AOAH: variants seen among roughly 807,000 people sequenced by gnomAD.
AOAH encodes the protein acyloxyacyl hydrolase (neutrophil).
Under a neutral mutation model 92.2 loss-of-function variants are expected in AOAH, and 64 were observed. The ratio of observed to expected loss-of-function variants is 0.69; its 90% CI spans 0.57 to 0.86. The LOEUF is 0.86. AOAH is among the 40% of genes least tolerant of loss of function. The probability of loss-of-function intolerance (pLI) is 0.00; values close to 1 mark genes in which losing one functional copy is unlikely to be tolerated. For missense variants in AOAH, 656 were observed against 694.6 expected (o/e 0.94, Z 0.62); for synonymous variants, 263 against 254.5 (o/e 1.03, Z -0.32).
intron 18 of AOAH, 96 bp downstream of exon 18, chr7:36,532,051 T>C: frequency 1.4e-6 from 2 of 1,447,106 alleles, no homozygotes; most frequent in Non-Finnish European, 1.9e-6. Context: ...TTGGAGACCA[T>C]CTGCCTGCCA....
intron 9 of AOAH, among the ~76,000 whole-genome samples, chr7:36,619,624 G>A (rs1253688674): frequency 1.3e-5 from 2 of 152,154 alleles, no homozygotes; most frequent in Non-Finnish European, 2.9e-5. Flanking sequence ...AGTGACTAGC[G>A]GATAGGGTAG....
At chr7:36,657,370 T>A (rs1584046962) in intron 4 of AOAH, among the ~76,000 whole-genome samples, 1 of 152,176 alleles carries the variant, frequency 6.6e-6, no homozygotes, top group East Asian at 1.9e-4. Context: ...GGAGTCGAAA[T>A]GACACCTCCA....
rs372424125 is a variant in AOAH, at chr7:36,635,873, G to T, written c.450+1978C>A. 5.1e-4 allele frequency among the ~76,000 whole-genome samples: 78 copies of T among 152,242 alleles called. 3 individuals are homozygous for T. The South Asian group carries it at 0.016, about 32-fold the overall frequency. ...GATGACAAAAATACTCTATCTATTT[G>T]AGAATGAAATGATTCCATAACTCAG... On this transcript the variant is annotated intron_variant, in intron 5 of 20. Transcript: ENST00000617537.
intron 16 of AOAH, 125 bp downstream of exon 16, chr7:36,540,194 A>G: frequency 1.1e-6 from 1 of 928,558 alleles, no homozygotes; most frequent in Non-Finnish European, 1.5e-6. Flanking sequence ...TCTTGCCTTT[A>G]TCAACCCTGA....
chr7:36,575,050 C>T (rs1195984360), intron 13 of AOAH, among the ~76,000 whole-genome samples: 1 of 151,220 alleles, frequency 6.6e-6, no homozygotes, highest in African/African-American at 2.4e-5. Context: ...TCTTCATTGA[C>T]AGAGGGTATT....
rs564261702 is a variant in AOAH at position 36,515,956 on chromosome 7, G to A, written c.1600-2576C>T. 1.9e-3 allele frequency among the ~76,000 whole-genome samples: 193 copies of A among 102,620 alleles called. 1 individual carries two copies. Among genetic ancestry groups the A allele is most frequent in the African/African-American group, 6.8e-3 (179 of 26,434 alleles). 67.3% of individuals were successfully genotyped at this position (102,620 alleles called of 152,430 possible). A position where few individuals can be genotyped will look rare whatever the true frequency, so the allele number is the denominator to read the frequency against. ...CACACACCCCCACATCCCACACACA[G>A]CACACACAGAAACACTACACACACC... On this transcript the variant is annotated intron_variant, in intron 20 of 20. Coordinates refer to ENST00000617537, the MANE Select transcript of AOAH (RefSeq NM_001637.4).
At chr7:36,554,008 T>C (rs1469918577) in intron 13 of AOAH, among the ~76,000 whole-genome samples, 4 of 152,324 alleles carry the variant, frequency 2.6e-5, no homozygotes, top group Non-Finnish European at 4.4e-5. Context: ...TTTGTCAATT[T>C]TGGCTTTTGT....
chr7:36,653,002 CTAAG>C (rs1250268191), intron 4 of AOAH, among the ~76,000 whole-genome samples: 17 of 152,216 alleles, frequency 1.1e-4, no homozygotes, highest in African/African-American at 4.1e-4. Flanking sequence ...TTAGTTTTGA[CTAAG>C]TAATAGTAAT....
chr7:36,613,946 A>T (rs75921542), intron 11 of AOAH, among the ~76,000 whole-genome samples: 3,395 of 152,298 alleles, frequency 0.022, 119 homozygotes, highest in African/African-American at 0.078. Flanking sequence ...AGGGAGAGCT[A>T]TGCTTGCCCA....
chr7:36,700,269 A>G (rs891461531), intron 1 of AOAH, among the ~76,000 whole-genome samples: 2 of 151,986 alleles, frequency 1.3e-5, no homozygotes, highest in African/African-American at 2.4e-5. Context: ...TTTTCGTGTA[A>G]CCATCACCCA....
At chr7:36,702,404 T>C (rs6955359) in intron 1 of AOAH, among the ~76,000 whole-genome samples, 124,569 of 152,102 alleles carry the variant, frequency 0.82, 51,287 homozygotes, top group East Asian at 1. Context: ...TTTATTTCAC[T>C]TTCATTTCTG....
chr7:36,708,793 C>A (rs1187309172), intron 1 of AOAH, among the ~76,000 whole-genome samples: 1 of 152,116 alleles, frequency 6.6e-6, no homozygotes, highest in Non-Finnish European at 1.5e-5. Context: ...ATTAGCCTGG[C>A]TTTCTAAGGA....
chr7:36,647,443 AT>A (rs1794293361), intron 4 of AOAH, among the ~76,000 whole-genome samples: 1 of 152,250 alleles, frequency 6.6e-6, no homozygotes. Flanking sequence ...AGCTGAGGGA[AT>A]TAATAAGCAT....
intron 12 of AOAH, among the ~76,000 whole-genome samples, chr7:36,581,398 G>C (rs1788924081): frequency 6.6e-6 from 1 of 152,220 alleles, no homozygotes; most frequent in Non-Finnish European, 1.5e-5. Context: ...TCAAGGGAGA[G>C]ATGTAAGTGC....
intron 15 of AOAH, among the ~76,000 whole-genome samples, chr7:36,543,583 T>G (rs1785566583): frequency 8.0e-6 from 1 of 124,432 alleles, no homozygotes; most frequent in South Asian, 2.5e-4. Flanking sequence ...ACTGAATAAT[T>G]TTTTTTTTCG....
intron 4 of AOAH, among the ~76,000 whole-genome samples, chr7:36,646,323 A>G (rs1415616039): frequency 2.0e-5 from 3 of 152,186 alleles, no homozygotes; most frequent in South Asian, 2.1e-4. Flanking sequence ...TTTCTTCCCT[A>G]GTATCTGGGC....
intron 1 of AOAH, among the ~76,000 whole-genome samples, chr7:36,688,267 A>C (rs1225432233): frequency 3.3e-5 from 5 of 152,208 alleles, no homozygotes; most frequent in Non-Finnish European, 7.3e-5. Flanking sequence ...AAAAAATATA[A>C]ACACAATGCA....
chr7:36,699,342 G>A (rs368862556), intron 1 of AOAH, among the ~76,000 whole-genome samples: 5 of 151,930 alleles, frequency 3.3e-5, no homozygotes, highest in African/African-American at 9.7e-5. Context: ...TTGATGGATC[G>A]TATGGTAGTT....
chr7:36,514,747 G>A, intron 20 of AOAH: 2 of 608,122 alleles, frequency 3.3e-6, no homozygotes, highest in Non-Finnish European at 5.8e-6. Flanking sequence ...GGATGCTCAG[G>A]GATATCCCTG....
Sources: allele counts gnomAD v4.1 joint callset (sites outside exome capture counted in the v4.1 genomes callset), GRCh38; gene constraint gnomAD v4.1.1; transcripts MANE v1.5; gene names NCBI Gene and HGNC (gene_info 2026-07-23, HGNC 2026-07-21).